PIK3C2G: variants seen among roughly 807,000 people sequenced by gnomAD.
PIK3C2G encodes the protein phosphatidylinositol-4-phosphate 3-kinase catalytic subunit type 2 gamma.
A neutral mutation model predicts 181.1 loss-of-function variants in PIK3C2G; 168 were observed. The ratio of observed to expected loss-of-function variants is 0.93; its 90% CI spans 0.82 to 1.05. PIK3C2G has a LOEUF of 1.05. Among genes scored for constraint, PIK3C2G ranks in the 50% least tolerant of loss-of-function variants. PIK3C2G has a pLI of 0.00. For synonymous variants in PIK3C2G, 573 were observed against 592.2 expected (o/e 0.97, Z 0.47); for missense variants, 1,869 against 1,732.8 (o/e 1.08, Z -1.40).
the PIK3C2G span, among the ~76,000 whole-genome samples, chr12:18,658,181 T>G: frequency 9.2e-5 from 14 of 151,998 alleles, no homozygotes; most frequent in Non-Finnish European, 1.6e-4. Flanking sequence ...AATCAACAGA[T>G]CCTAAGAGAC....
At chr12:18,271,986 C>T (rs1948764239) in intron 1 of PIK3C2G, among the ~76,000 whole-genome samples, 1 of 152,060 alleles carries the variant, frequency 6.6e-6, no homozygotes, top group African/African-American at 2.4e-5. Context: ...TAGAAATTTC[C>T]TAACATCCAG....
At chr12:18,679,774 T>G in the PIK3C2G span, among the ~76,000 whole-genome samples, 1 of 152,002 alleles carries the variant, frequency 6.6e-6, no homozygotes, top group Non-Finnish European at 1.5e-5. Context: ...AGTTAAATTA[T>G]GTACACATGG....
At chr12:18,521,773 A>T (rs1348731790) in intron 24 of PIK3C2G, among the ~76,000 whole-genome samples, 1 of 152,238 alleles carries the variant, frequency 6.6e-6, no homozygotes, top group Non-Finnish European at 1.5e-5. Context: ...AGGCAACTGC[A>T]GCTGTGGTGC....
chr12:18,567,040 T>A lies in PIK3C2G; in HGVS notation c.3994T>A (p.Ser1332Thr), dbSNP rs370513828. Residue 1332 changes from serine to threonine, a missense_variant, in exon 29 of 33, where the codon TCA (serine) becomes ACA (threonine). Transcript: ENST00000538779. ...NHYMEQILNV[S>T]HEVTNSDCVL... Reference sequence around the variant, plus strand: ...TTACATGGAACAGATATTAAATGTATCACATGAAGTTACAAACGTATGTTA... The same window carrying A: ...TTACATGGAACAGATATTAAATGTAACACATGAAGTTACAAACGTATGTTA... The A allele has an allele frequency of 5.0e-6, 7 of 1,404,392 alleles. No individual in the cohort carries two copies. In the African/African-American group the frequency reaches 7.2e-5, roughly 14 times the overall value. 87.0% of individuals were successfully genotyped at this position (1,404,392 alleles called of 1,614,324 possible).
chr12:18,455,474 C>A (rs1218823051), intron 18 of PIK3C2G, among the ~76,000 whole-genome samples: 1 of 152,078 alleles, frequency 6.6e-6, no homozygotes, highest in Admixed American at 6.6e-5. Context: ...CCTTGAATTG[C>A]AGAATTTTAA....
At chr12:18,712,333 G>C in the PIK3C2G span, among the ~76,000 whole-genome samples, 10 of 152,116 alleles carry the variant, frequency 6.6e-5, no homozygotes, top group Middle Eastern at 3.4e-3. Context: ...TCAAATTCTA[G>C]GAATAACTAT....
chr12:18,608,317 A>G (rs887486781), intron 30 of PIK3C2G, among the ~76,000 whole-genome samples: 1 of 152,042 alleles, frequency 6.6e-6, no homozygotes, highest in African/African-American at 2.4e-5. Flanking sequence ...CAAATGTCCA[A>G]CAATGATAGA....
chr12:18,310,730 T>C (rs901889929), intron 5 of PIK3C2G, among the ~76,000 whole-genome samples: 2 of 151,760 alleles, frequency 1.3e-5, no homozygotes, highest in Non-Finnish European at 2.9e-5. Flanking sequence ...GACTCAAAAA[T>C]GGCTCAAATA....
intron 13 of PIK3C2G, among the ~76,000 whole-genome samples, chr12:18,373,676 C>T (rs1942230182): frequency 6.6e-6 from 1 of 151,898 alleles, no homozygotes. Flanking sequence ...GGTGAAACCC[C>T]GTATCTACTA....
At chr12:18,317,214 T>C (rs1369323464) in intron 6 of PIK3C2G, among the ~76,000 whole-genome samples, 2 of 151,942 alleles carry the variant, frequency 1.3e-5, no homozygotes, top group Non-Finnish European at 2.9e-5. Context: ...GGTTTCACCA[T>C]GTTGGTTAGG....
chr12:18,524,046 C>CT (rs1943078586), intron 24 of PIK3C2G, among the ~76,000 whole-genome samples: 1 of 152,228 alleles, frequency 6.6e-6, no homozygotes. Flanking sequence ...AATCTGTGTG[C>CT]TGGTGGCTGA....
In PIK3C2G at chr12:18,578,768, T is replaced by G. The variant is rs142781390; in HGVS notation, c.4011+11711T>G. 3.1e-3 allele frequency among the ~76,000 whole-genome samples: 471 copies of G among 152,226 alleles called. 7 individuals are homozygous for G. The East Asian group carries it at 0.046, about 15-fold the overall frequency. On this transcript the variant is annotated intron_variant, in intron 29 of 32. Transcript: ENST00000538779. Reference sequence around the variant, plus strand: ...ATGTAGTCTATATGCCATAAATATTTTTACTATTTTAAGTGATATGAACGT... The same window carrying G: ...ATGTAGTCTATATGCCATAAATATTGTTACTATTTTAAGTGATATGAACGT...
chr12:18,610,885 G>T (rs1276758744), intron 31 of PIK3C2G, among the ~76,000 whole-genome samples: 1 of 152,018 alleles, frequency 6.6e-6, no homozygotes, highest in Non-Finnish European at 1.5e-5. Flanking sequence ...TTTTAGAAAT[G>T]ATATATTTAT....
At chr12:18,339,632 A>G (rs960815187) in intron 9 of PIK3C2G, among the ~76,000 whole-genome samples, 1 of 152,178 alleles carries the variant, frequency 6.6e-6, no homozygotes, top group African/African-American at 2.4e-5. Flanking sequence ...GTAGATAATC[A>G]TATTACCAAA....
downstream of PIK3C2G, among the ~76,000 whole-genome samples, chr12:18,650,704 G>GTATATATC (rs1950448389): frequency 2.1e-4 from 12 of 57,786 alleles, no homozygotes; most frequent in South Asian, 1.9e-3. Flanking sequence ...GTGTGTGTGT[G>GTATATATC]TATATATCTA....
At chr12:18,534,451 G>T (rs1241510172) in intron 24 of PIK3C2G, among the ~76,000 whole-genome samples, 6 of 152,012 alleles carry the variant, frequency 3.9e-5, no homozygotes, top group Non-Finnish European at 7.4e-5. Context: ...ATAAGTTAAT[G>T]AAAATATTAA....
intron 31 of PIK3C2G, among the ~76,000 whole-genome samples, chr12:18,636,312 AACCTCT>A (rs1489679490): frequency 2.0e-5 from 3 of 152,132 alleles, no homozygotes; most frequent in African/African-American, 7.2e-5. Context: ...GGCTCACCGC[AACCTCT>A]GCCTCGTGGG....
downstream of PIK3C2G, among the ~76,000 whole-genome samples, chr12:18,650,664 ATGTGTGTGTGTGTG>A (rs1159499235): frequency 1.4e-4 from 5 of 35,608 alleles, no homozygotes; most frequent in Non-Finnish European, 1.6e-4. Context: ...TGGAATATAA[ATGTGTGTGTGTGTG>A]TGTGTGTGTG....
At chr12:18,330,652 G>A (rs1317733052) in intron 8 of PIK3C2G, among the ~76,000 whole-genome samples, 1 of 152,072 alleles carries the variant, frequency 6.6e-6, no homozygotes, top group East Asian at 1.9e-4. Context: ...ATATCCTCTT[G>A]TTATCAAATT....
Sources: allele counts gnomAD v4.1 joint callset (sites outside exome capture counted in the v4.1 genomes callset), GRCh38; gene constraint gnomAD v4.1.1; transcripts MANE v1.5; gene names NCBI Gene and HGNC (gene_info 2026-07-23, HGNC 2026-07-21).